Variants in FAAP20 observed in about 807,000 individuals in gnomAD.
FAAP20 encodes Fanconi anemia core complex-associated protein 20.
A neutral mutation model predicts 16.2 loss-of-function variants in FAAP20; 12 were observed. That is an observed-to-expected ratio of 0.74 (90% CI 0.48 to 1.20). The LOEUF (loss-of-function observed/expected upper bound fraction) is 1.20, where lower values mean the gene tolerates loss of function less well. FAAP20 is among the 50% of genes most tolerant of loss of function. The pLI, the probability that FAAP20 is intolerant of heterozygous loss-of-function variation, is 0.00. For missense variants in FAAP20, 288 were observed against 245.8 expected (o/e 1.17, Z -1.15); for synonymous variants, 141 against 110.7 (o/e 1.27, Z -1.72).
At chr1:2,187,823 G>A (rs148240494), downstream of FAAP20, among the ~76,000 whole-genome samples, 798 of 152,314 alleles carry the variant, frequency 5.2e-3, 8 homozygotes, top group Non-Finnish European at 8.4e-3. Flanking sequence ...CGTCAGTCCC[G>A]TGGGTGTGGA....
At chr1:2,200,888 C>T (rs1689022545), upstream of FAAP20, 3 of 1,088,818 alleles carry the variant, frequency 2.8e-6, no homozygotes, top group South Asian at 6.6e-5. Flanking sequence ...GGCTGGGACC[C>T]CCTCGGGAGT....
chr1:2,187,175 G>A (rs1687690947), downstream of FAAP20: 1 of 471,298 alleles, frequency 2.1e-6, no homozygotes, highest in Non-Finnish European at 4.4e-6. Flanking sequence ...TGACTGCCAG[G>A]GTCATTCAAA....
downstream of FAAP20, chr1:2,185,370 G>A (rs780011678): frequency 2.8e-5 from 20 of 718,854 alleles, no homozygotes; most frequent in Middle Eastern, 4.6e-4. Flanking sequence ...GCGTCCTGAG[G>A]AATAAAATGT....
intron 3 of FAAP20, 132 bp from the exon 4 acceptor site, chr1:2,189,913 G>A: frequency 1.4e-6 from 1 of 732,432 alleles, no homozygotes; most frequent in East Asian, 2.7e-5. Flanking sequence ...CAAGGGACGG[G>A]GCCACCCCAG....
upstream of FAAP20, among the ~76,000 whole-genome samples, chr1:2,204,725 C>G (rs1689171985): frequency 6.6e-6 from 1 of 152,180 alleles, no homozygotes; most frequent in Non-Finnish European, 1.5e-5. Flanking sequence ...GGCTACGACC[C>G]CTCCGGAGCA....
chr1:2,198,822 C>A, upstream of FAAP20: 1 of 1,289,730 alleles, frequency 7.8e-7, no homozygotes, highest in African/African-American at 1.5e-5. Flanking sequence ...CTGTGCTCCA[C>A]CACACCTGCT....
upstream of FAAP20, among the ~76,000 whole-genome samples, chr1:2,201,402 T>G (rs988230901): frequency 3.3e-5 from 5 of 152,198 alleles, no homozygotes; most frequent in African/African-American, 9.7e-5. Context: ...TTTGTTCATC[T>G]GGTAGAATTG....
downstream of FAAP20, among the ~76,000 whole-genome samples, chr1:2,188,340 C>T (rs1238206115): frequency 1.3e-5 from 2 of 152,338 alleles, no homozygotes; most frequent in East Asian, 3.9e-4. Context: ...CTCCGGATTT[C>T]AGGAGAAGCT....
upstream of FAAP20, chr1:2,199,264 C>A: frequency 8.9e-7 from 1 of 1,119,064 alleles, no homozygotes; most frequent in South Asian, 1.9e-5. The surrounding 1 kb of genome is among the most constrained non-coding windows in gnomAD (Gnocchi z 4.5). Context: ...CCGGTTCACA[C>A]CCTCCCACAG....
upstream of FAAP20, chr1:2,199,365 T>C: frequency 1.9e-6 from 2 of 1,026,126 alleles, no homozygotes; most frequent in Non-Finnish European, 2.3e-6. This position sits in a 1 kb window ranked among gnomAD's most constrained non-coding sequence, Gnocchi z 4.5. Flanking sequence ...GATCCTGCTC[T>C]GACGTCCCCC....
Position 2,194,769 on chromosome 1 carries a change from A to C in FAAP20, c.-20T>G. On this transcript the variant is annotated 5_prime_UTR_variant, in exon 1 of 4. Transcript: ENST00000378546. ...CTCCATCCAAGCCCGCGCCGGGCGG[A>C]AGTGAGCGCAAGCCCCGCCCCCGCC... The C allele has an allele frequency of 8.6e-7, 1 of 1,166,782 alleles. No individual in the cohort carries two copies. Among genetic ancestry groups the C allele is most frequent in the Non-Finnish European group, 1.1e-6 (1 of 947,560 alleles). The allele number at this position is 1,166,782 out of a possible 1,614,324, so 72.3% of individuals were successfully genotyped here.
chr1:2,204,873 A>G (rs1049294080), upstream of FAAP20, among the ~76,000 whole-genome samples: 3 of 122,844 alleles, frequency 2.4e-5, no homozygotes, highest in African/African-American at 9.6e-5. Context: ...CCTCCCGGGC[A>G]CCTCCCACGC....
chr1:2,201,130 C>T (rs904656065), upstream of FAAP20: 2 of 1,283,554 alleles, frequency 1.6e-6, no homozygotes, highest in African/African-American at 3.0e-5. Flanking sequence ...ACTGTGGGCT[C>T]CAACCCTGCT....
chr1:2,204,571 C>G (rs567416718), upstream of FAAP20, among the ~76,000 whole-genome samples: 92 of 152,324 alleles, frequency 6.0e-4, no homozygotes, highest in Non-Finnish European at 1.0e-3. Flanking sequence ...AGCCCTGTGG[C>G]CTGCTCTGAG....
upstream of FAAP20, chr1:2,199,380 C>G: frequency 9.8e-7 from 1 of 1,018,568 alleles, no homozygotes; most frequent in Non-Finnish European, 1.2e-6. This position sits in a 1 kb window ranked among gnomAD's most constrained non-coding sequence, Gnocchi z 4.5. Flanking sequence ...TCCCCCCGCC[C>G]GGAGAAGCTT....
chr1:2,190,057 T>C, intron 3 of FAAP20: 1 of 588,544 alleles, frequency 1.7e-6, no homozygotes. Context: ...CTCTATGGGA[T>C]TCTGGCGCCT....
chr1:2,201,346 C>A, upstream of FAAP20: 1 of 788,334 alleles, frequency 1.3e-6, no homozygotes, highest in Non-Finnish European at 1.6e-6. Context: ...GACTGGGACA[C>A]CCGTGGGCAG....
downstream of FAAP20, among the ~76,000 whole-genome samples, chr1:2,211,941 CG>C (rs1689461152): frequency 8.4e-6 from 1 of 119,136 alleles, no homozygotes; most frequent in South Asian, 2.7e-4. Context: ...CTTGCTTTGT[CG>C]CCCAGGCTGG....
upstream of FAAP20, chr1:2,194,914 G>T: frequency 1.6e-6 from 1 of 624,798 alleles, no homozygotes; most frequent in Non-Finnish European, 2.1e-6. Context: ...ACTGAGGCCA[G>T]GGTTCCTTCG....
Sources: gnomAD v4.1 joint callset for allele counts (sites outside exome capture counted in the v4.1 genomes callset) on GRCh38, gnomAD v4.1.1 for gene constraint, Gnocchi (gnomAD v3.1) non-coding constraint, MANE v1.5 for transcripts, NCBI Gene and HGNC (gene_info 2026-07-23, HGNC 2026-07-21) for gene names.